Variants in PCK2 observed in about 807,000 individuals in gnomAD.
PCK2 encodes phosphoenolpyruvate carboxykinase [GTP], mitochondrial.
PCK2 carries 56 observed loss-of-function variants against 65.9 expected under a neutral mutation model. The ratio of observed to expected loss-of-function variants is 0.85; its 90% CI spans 0.69 to 1.06. The LOEUF is 1.06. PCK2 is among the 50% of genes least tolerant of loss of function. The pLI is 0.00. For synonymous variants in PCK2, 305 were observed against 319.6 expected (o/e 0.95, Z 0.49); for missense variants, 843 against 863.1 (o/e 0.98, Z 0.29).
rs1394245808 is a variant in PCK2, at chr14:24,094,967, G to A, written c.29+533G>A. On this transcript the variant is annotated intron_variant, in intron 1 of 9. Transcript: ENST00000216780. This position sits in a 1 kb window ranked among gnomAD's most constrained non-coding sequence, Gnocchi z 4.1. The stretch of plus-strand genomic sequence containing the variant: ...CCTGGCGGGAAGTCCAGAGCAGCCC[G>A]AGGGACCTGGGCCCAGGGGAGGGAG... 2.5e-6 allele frequency: 2 copies of A among 790,828 alleles called. No individual in the cohort carries two copies. Among genetic ancestry groups the A allele is most frequent in the Non-Finnish European group, 3.7e-6 (2 of 546,488 alleles). The allele number at this position is 790,828 out of a possible 1,614,324, so 49.0% of individuals were successfully genotyped here. A position where few individuals can be genotyped will look rare whatever the true frequency, so the allele number is the denominator to read the frequency against.
At chr14:24,103,359 T>G (rs2037243572) in intron 9 of PCK2, 104 bp downstream of exon 9, 1 of 1,143,854 alleles carries the variant, frequency 8.7e-7, no homozygotes, top group Non-Finnish European at 1.3e-6. Flanking sequence ...GAGTCTGATA[T>G]GGCCCCACCT....
At chr14:24,102,700 G>T in intron 7 of PCK2, 53 bp from the exon 8 acceptor site, 1 of 1,524,704 alleles carries the variant, frequency 6.6e-7, no homozygotes, top group Non-Finnish European at 9.0e-7. Context: ...GTATGTGTGT[G>T]TTGGGGGTCG....
At position 24,097,129 on chromosome 14, in the gene PCK2, C is replaced by T. The variant is rs553906797; in HGVS notation, c.267C>T (p.Tyr89=). The T allele has an allele frequency of 4.3e-6, 7 of 1,613,826 alleles. No individual in the cohort carries two copies. In the South Asian group the frequency reaches 6.6e-5, roughly 15 times the overall value. ...GCCTCATCCGAAAGCTCCCCAAGTA[C>T]AATAACTGGTAAGCCTTGGGCTCCA... ...QQGLIRKLPK[Y]NNCWLARTDP... is the part of the protein sequence containing the mutation. The change falls in exon 2 of 10, where the codon TAC becomes TAT. Residue 89 remains tyrosine (Y), a synonymous_variant. Coordinates refer to ENST00000216780, the MANE Select transcript of PCK2 (RefSeq NM_004563.4).
At position 24,103,601 on chromosome 14, in the gene PCK2, G is replaced by C. The variant is rs771490534; in HGVS notation, c.1560G>C (p.Gly520=). Residue 520 remains glycine (G), a synonymous_variant, in exon 10 of 10, where the codon GGG becomes GGC. Transcript: ENST00000216780. ...HYLEHWLSME[G]RKGAQLPRIF... ...TGGAACACTGGCTGAGCATGGAAGGGCGCAAGGGGGCCCAGCTGCCCCGTA... is the reference window on the plus strand; with the variant it reads ...TGGAACACTGGCTGAGCATGGAAGGCCGCAAGGGGGCCCAGCTGCCCCGTA... 15 of 1,612,162 alleles carry C rather than the reference G, an allele frequency of 9.3e-6. No homozygotes were observed. Among genetic ancestry groups the C allele is most frequent in the Non-Finnish European group, 1.3e-5 (15 of 1,178,720 alleles).
Position 24,096,901 on chromosome 14 carries a change from G to T in PCK2, c.39G>T (p.Trp13Cys). The T allele has an allele frequency of 6.2e-7, 1 of 1,612,896 alleles. No individual in the cohort carries two copies. The highest frequency in any genetic ancestry group is 8.5e-7 in the Non-Finnish European group (1 of 1,179,594). Residue 13 changes from tryptophan (W) to cysteine (C), a missense_variant, in exon 2 of 10, where the codon TGG becomes TGT. Coordinates refer to ENST00000216780, the MANE Select transcript of PCK2 (RefSeq NM_004563.4). ...TCTGTTTCTCCTATAGGCTTAACTG[G>T]CATGGGCTGAGCCCCTTGGGCTGGC... ...ALYRPGLRLNWHGLSPLGWPS... is the reference protein window; with the variant it reads ...ALYRPGLRLNCHGLSPLGWPS...
intron 2 of PCK2, among the ~76,000 whole-genome samples, chr14:24,097,971 TC>T (rs2036967555): frequency 6.6e-6 from 1 of 151,972 alleles, no homozygotes; most frequent in Admixed American, 6.6e-5. Flanking sequence ...TTTTTTTTTT[TC>T]CTCACCAGTT....
chr14:24,098,912 G>A (rs577433097), intron 4 of PCK2, 137 bp from the exon 5 acceptor site: 2 of 753,720 alleles, frequency 2.7e-6, no homozygotes, highest in African/African-American at 3.5e-5. Flanking sequence ...TGGTTATTAT[G>A]AGGTGGGGGG....
In PCK2 at chr14:24,098,400, G is replaced by A; in HGVS notation, c.460+13G>A. ...GGCTGCATGCAGGGTAACCAGGGCAGGGGCACAGTGGCAAGGGCACGGAAG... is the reference window on the plus strand; with the variant it reads ...GGCTGCATGCAGGGTAACCAGGGCAAGGGCACAGTGGCAAGGGCACGGAAG... On this transcript the variant is annotated intron_variant, in intron 3 of 9. Transcript: ENST00000216780. 5 of 1,610,974 alleles carry A rather than the reference G, an allele frequency of 3.1e-6. No homozygotes were observed. Among genetic ancestry groups the A allele is most frequent in the Non-Finnish European group, 4.2e-6 (5 of 1,177,386 alleles).
intron 7 of PCK2, among the ~76,000 whole-genome samples, chr14:24,101,740 G>A (rs2037169123): frequency 6.6e-6 from 1 of 151,918 alleles, no homozygotes; most frequent in Non-Finnish European, 1.5e-5. Context: ...CTGGCAACAT[G>A]GCAAAACCCC....
chr14:24,103,017 T>C (rs2037226943), intron 8 of PCK2, 127 bp downstream of exon 8: 5 of 1,259,978 alleles, frequency 4.0e-6, no homozygotes, highest in Non-Finnish European at 4.6e-6. Flanking sequence ...CCCTGGTGAA[T>C]GCAAACTTGG....
intron 2 of PCK2, among the ~76,000 whole-genome samples, chr14:24,097,667 A>C (rs1030713091): frequency 6.6e-6 from 1 of 151,518 alleles, no homozygotes; most frequent in Non-Finnish European, 1.5e-5. Context: ...AGCTCACAAC[A>C]ACCTCTGCCT....
Position 24,098,455 on chromosome 14 carries a change from G to A in PCK2, c.461-20G>A, listed in dbSNP as rs114584291. On this transcript the variant is annotated intron_variant, in intron 3 of 9. Transcript: ENST00000216780. ...GAACAGGTTTGGAACCCTTCATCCA[G>A]GGGATGCCTTCCTCCACAGGCCGCA... The A allele has an allele frequency of 6.7e-4, 1,078 of 1,613,784 alleles. 7 individuals are homozygous for A. In the African/African-American group the frequency reaches 0.012, roughly 18 times the overall value.
In PCK2 at chr14:24,096,907, G is replaced by T. The variant is rs1450826383; in HGVS notation, c.45G>T (p.Gly15=). ...TCTCCTATAGGCTTAACTGGCATGG[G>T]CTGAGCCCCTTGGGCTGGCCATCAT... is the stretch of plus-strand genomic sequence containing the variant. The part of the protein sequence containing the change: ...YRPGLRLNWH[G]LSPLGWPSCR... The change falls in exon 2 of 10, where the codon GGG becomes GGT. Residue 15 remains glycine (G), a synonymous_variant. Transcript: ENST00000216780. 6.2e-7 allele frequency: 1 copy of T among 1,613,160 alleles called. No homozygotes were observed. Among genetic ancestry groups the T allele is most frequent in the Non-Finnish European group, 8.5e-7 (1 of 1,179,716 alleles).
chr14:24,102,651 CAA>C (rs367813502), intron 7 of PCK2, 100 bp from the exon 8 acceptor site: 24,668 of 830,480 alleles, frequency 0.03, no homozygotes, highest in South Asian at 0.052. Context: ...GCTGATGAGG[CAA>C]AAAAAAAAAA....
At position 24,098,655 on chromosome 14, in the gene PCK2, T is replaced by C; in HGVS notation, c.641T>C (p.Val214Ala). 1 of 1,613,902 alleles carries C rather than the reference T, an allele frequency of 6.2e-7. No individual in the cohort carries two copies. The change falls in exon 4 of 10, where the codon GTG becomes GCG. Residue 214 changes from valine to alanine, a missense_variant. Physicochemically the swap from Val to Ala is moderately conservative, Grantham distance 64 (BLOSUM62 0). Transcript: ENST00000216780. ...DGDFVKCLHS[V>A]GQPLTGQGEP... ...GACTTTGTCAAGTGTCTGCACTCCG[T>C]GGGCCAGCCCCTGACAGGACAAGGT...
In PCK2 at chr14:24,099,976, C is replaced by G; in HGVS notation, c.1016-19C>G. ...GTTTTCCTTGTTTGGTCCTTCCTTT[C>G]TTTCACTTCTCCTAACAGGTCGACT... On this transcript the variant is annotated intron_variant, in intron 6 of 9. Transcript: ENST00000216780. The G allele has an allele frequency of 6.2e-7, 1 of 1,614,188 alleles. No individual in the cohort carries two copies. The highest frequency in any genetic ancestry group is 8.5e-7 in the Non-Finnish European group (1 of 1,180,034).
intron 7 of PCK2, among the ~76,000 whole-genome samples, chr14:24,101,585 G>C (rs940089623): frequency 9.2e-5 from 14 of 152,152 alleles, no homozygotes; most frequent in African/African-American, 3.1e-4. Flanking sequence ...ACTTCATCAG[G>C]GTCTAAGCAG....
chr14:24,098,386 G>C lies in PCK2; in HGVS notation c.459G>C (p.Gln153His), dbSNP rs769896049. 1 of 1,612,084 alleles carries C rather than the reference G, an allele frequency of 6.2e-7. No individual in the cohort carries two copies. Residue 153 changes from glutamine to histidine, a missense_variant and splice_region_variant, in exon 3 of 10, where the codon CAG becomes CAC. Transcript: ENST00000216780. ...AVDERFPGCMQGRTMYVLPFS... is the reference protein window; with the variant it reads ...AVDERFPGCMHGRTMYVLPFS... ...ATGAGAGGTTTCCAGGCTGCATGCA[G>C]GGTAACCAGGGCAGGGGCACAGTGG...
intron 1 of PCK2, chr14:24,095,514 G>T: frequency 3.4e-6 from 1 of 292,892 alleles, no homozygotes; most frequent in Non-Finnish European, 7.0e-6. Flanking sequence ...CCTTCCCCAG[G>T]CTAACACCCT....
Sources: allele counts gnomAD v4.1 joint callset (sites outside exome capture counted in the v4.1 genomes callset), GRCh38; gene constraint gnomAD v4.1.1; non-coding constraint Gnocchi (gnomAD v3.1); transcripts MANE v1.5; gene names NCBI Gene and HGNC (gene_info 2026-07-23, HGNC 2026-07-21).